The following GALNT13 variants were observed in gnomAD, a reference collection of about 807,000 sequenced individuals.
GALNT13 encodes polypeptide N-acetylgalactosaminyltransferase 13.
GALNT13 carries 28 observed loss-of-function variants against 64.2 expected under a neutral mutation model. That is an observed-to-expected ratio of 0.44 (90% CI 0.32 to 0.60). The LOEUF (loss-of-function observed/expected upper bound fraction) is 0.60, where lower values mean the gene tolerates loss of function less well. Among genes scored for constraint, GALNT13 ranks in the 20% least tolerant of loss-of-function variants. The probability of loss-of-function intolerance (pLI) is 0.05; values close to 1 mark genes in which losing one functional copy is unlikely to be tolerated. For missense variants in GALNT13, 577 were observed against 669.8 expected (o/e 0.86, Z 1.53); for synonymous variants, 214 against 224.6 (o/e 0.95, Z 0.42).
At chr2:153,246,917 GACAT>G in the GALNT13 span, among the ~76,000 whole-genome samples, 4 of 152,032 alleles carry the variant, frequency 2.6e-5, no homozygotes, top group East Asian at 7.7e-4. Flanking sequence ...CACATGCAAA[GACAT>G]ACATAGGCTC....
At chr2:153,925,936 A>G (rs1690105760) in intron 2 of GALNT13, among the ~76,000 whole-genome samples, 1 of 152,124 alleles carries the variant, frequency 6.6e-6, no homozygotes, top group African/African-American at 2.4e-5. Context: ...GTTGCTTATC[A>G]GATTAAGAAG....
At chr2:153,794,513 G>A in the GALNT13 span, among the ~76,000 whole-genome samples, 4 of 148,672 alleles carry the variant, frequency 2.7e-5, no homozygotes, top group East Asian at 2.0e-4. Flanking sequence ...GTGTTTGGTC[G>A]ATTAGAATAA....
At chr2:154,133,629 C>T (rs1259589136) in intron 3 of GALNT13, among the ~76,000 whole-genome samples, 1 of 135,146 alleles carries the variant, frequency 7.4e-6, no homozygotes, top group Non-Finnish European at 1.5e-5. Flanking sequence ...ATTCTAATTA[C>T]TTTTTTATCA....
the GALNT13 span, among the ~76,000 whole-genome samples, chr2:153,401,541 T>C: frequency 2.0e-5 from 3 of 149,330 alleles, no homozygotes; most frequent in South Asian, 6.5e-4. Context: ...AAGTCTCCCA[T>C]TATTAATGTG....
At chr2:153,950,446 A>G (rs903166426) in intron 3 of GALNT13, among the ~76,000 whole-genome samples, 5 of 152,102 alleles carry the variant, frequency 3.3e-5, no homozygotes, top group Non-Finnish European at 7.4e-5. Context: ...GGCAAAAACT[A>G]TAAATGGCTG....
chr2:153,443,927 A>G, the GALNT13 span, among the ~76,000 whole-genome samples: 2 of 152,150 alleles, frequency 1.3e-5, no homozygotes, highest in Non-Finnish European at 1.5e-5. Flanking sequence ...TTCAAAAAAA[A>G]AAGGTCAGTT....
At chr2:153,764,167 A>C in the GALNT13 span, among the ~76,000 whole-genome samples, 2 of 152,192 alleles carry the variant, frequency 1.3e-5, no homozygotes, top group African/African-American at 4.8e-5. Flanking sequence ...ATGCCCTACA[A>C]GTCTGTGGGA....
At chr2:154,137,990 T>C (rs772843727) in intron 3 of GALNT13, among the ~76,000 whole-genome samples, 10 of 151,880 alleles carry the variant, frequency 6.6e-5, no homozygotes, top group Non-Finnish European at 1.3e-4. Context: ...CTTCCCACTG[T>C]ATTAGAAAGC....
In GALNT13 at chr2:154,437,487, A is replaced by G. The variant is rs116491027; in HGVS notation, c.1396-1105A>G. Reference sequence around the variant, plus strand: ...TATTCTGTTGACATTGCAAGGAGAAAGAAAAACCCACAGAATACTGAACAA... The same window carrying G: ...TATTCTGTTGACATTGCAAGGAGAAGGAAAAACCCACAGAATACTGAACAA... On this transcript the variant is annotated intron_variant, in intron 11 of 12. Coordinates refer to ENST00000392825, the MANE Select transcript of GALNT13 (RefSeq NM_052917.4). 1.8e-3 allele frequency: 2,231 copies of G among 1,212,628 alleles called. 42 individuals are homozygous for G. The African/African-American group carries it at 0.033, about 18-fold the overall frequency. 75.1% of individuals were successfully genotyped at this position (1,212,628 alleles called of 1,614,324 possible).
At chr2:154,448,155 A>G (rs989414745) in intron 12 of GALNT13, among the ~76,000 whole-genome samples, 8 of 152,028 alleles carry the variant, frequency 5.3e-5, no homozygotes, top group African/African-American at 1.9e-4. Flanking sequence ...CCAGGAACCA[A>G]ATAAAACATT....
chr2:154,091,313 T>A (rs1292226966), intron 3 of GALNT13, among the ~76,000 whole-genome samples: 1 of 151,960 alleles, frequency 6.6e-6, no homozygotes, highest in Non-Finnish European at 1.5e-5. Context: ...ATTTAATTTT[T>A]AACGTTCTGT....
chr2:154,173,471 A>C (rs1685478539), intron 4 of GALNT13, among the ~76,000 whole-genome samples: 2 of 151,868 alleles, frequency 1.3e-5, no homozygotes, highest in South Asian at 4.1e-4. Flanking sequence ...CATTTGGGAA[A>C]TGATCCAGGA....
At chr2:153,800,045 G>T in the GALNT13 span, among the ~76,000 whole-genome samples, 2 of 118,928 alleles carry the variant, frequency 1.7e-5, no homozygotes, top group African/African-American at 3.1e-5. Context: ...CATTTAGTTT[G>T]CTCTCTCTCT....
At chr2:153,082,347 C>T in the GALNT13 span, among the ~76,000 whole-genome samples, 1 of 151,606 alleles carries the variant, frequency 6.6e-6, no homozygotes, top group African/African-American at 2.4e-5. Flanking sequence ...TCTATTATAT[C>T]ACTCTTATGC....
At chr2:153,347,832 T>C in the GALNT13 span, among the ~76,000 whole-genome samples, 1 of 152,230 alleles carries the variant, frequency 6.6e-6, no homozygotes, top group Non-Finnish European at 1.5e-5. Flanking sequence ...TAGTAATCAT[T>C]ATGCTTTCAA....
At chr2:154,230,793 T>C (rs1041074264) in intron 4 of GALNT13, among the ~76,000 whole-genome samples, 1 of 152,126 alleles carries the variant, frequency 6.6e-6, no homozygotes, top group African/African-American at 2.4e-5. Context: ...ATGCAAGATT[T>C]ATTCAGTTCT....
chr2:154,259,978 G>T (rs571298105), intron 8 of GALNT13, among the ~76,000 whole-genome samples: 3 of 152,086 alleles, frequency 2.0e-5, no homozygotes, highest in Non-Finnish European at 4.4e-5. Context: ...GACCTCCAGG[G>T]CTCGGGTGAT....
At chr2:153,996,307 GTTC>G (rs1340468741) in intron 3 of GALNT13, among the ~76,000 whole-genome samples, 4 of 152,062 alleles carry the variant, frequency 2.6e-5, no homozygotes, top group African/African-American at 4.8e-5. Flanking sequence ...GTGTATAAGA[GTTC>G]TTCTTTCTCC....
the GALNT13 span, among the ~76,000 whole-genome samples, chr2:153,171,292 C>G: frequency 6.6e-6 from 1 of 152,182 alleles, no homozygotes; most frequent in African/African-American, 2.4e-5. Flanking sequence ...GTTTTGGCAA[C>G]TAATTGAGTG....
Sources: gnomAD v4.1 joint callset for allele counts (sites outside exome capture counted in the v4.1 genomes callset) on GRCh38, gnomAD v4.1.1 for gene constraint, MANE v1.5 for transcripts, NCBI Gene and HGNC (gene_info 2026-07-23, HGNC 2026-07-21) for gene names.